TRAF5: variants seen among roughly 807,000 people sequenced by gnomAD.
TRAF5 encodes TNF receptor-associated factor 5.
A neutral mutation model predicts 64.5 loss-of-function variants in TRAF5; 48 were observed. The observed-to-expected ratio is 0.74, with a 90% CI of 0.59 to 0.95. The LOEUF is 0.95. Ranked by LOEUF, TRAF5 falls within the 40% of genes least tolerant of loss-of-function variation. The pLI is 0.00. For synonymous variants in TRAF5, 206 were observed against 240.5 expected, an observed-to-expected ratio of 0.86 and a Z score of 1.33; for missense variants, 545 against 662.8, an observed-to-expected ratio of 0.82 and a Z score of 1.95.
At chr1:211,341,997 T>A (rs548522927) in intron 1 of TRAF5, among the ~76,000 whole-genome samples, 29 of 152,306 alleles carry the variant, frequency 1.9e-4, no homozygotes, top group African/African-American at 7.0e-4. Context: ...TTATGACACC[T>A]CTGTGTACTA....
intron 4 of TRAF5, chr1:211,359,235 C>T (rs1182087524): frequency 1.3e-5 from 2 of 152,228 alleles, no homozygotes; most frequent in Admixed American, 6.5e-5. Context: ...GGATTACAAG[C>T]ATGAGCCACC....
chr1:211,330,762 C>T (rs370949453), intron 1 of TRAF5, among the ~76,000 whole-genome samples: 3 of 152,178 alleles, frequency 2.0e-5, no homozygotes, highest in African/African-American at 4.8e-5. Context: ...GTTGCTACAC[C>T]GTCCCCACCA....
rs750203132 is a variant in TRAF5, at chr1:211,374,275, C to G, written c.*1573C>G. ...CCTGAGCCCTTCTGCGTTGTTATGC[C>G]ACTTCCCTACTGCTCATATGCACGC... On this transcript the variant is annotated 3_prime_UTR_variant, in exon 11 of 11. Transcript: ENST00000261464. 2.0e-5 allele frequency: 3 copies of G among 152,826 alleles called. No homozygotes were observed. The highest frequency in any genetic ancestry group is 2.9e-5 in the Non-Finnish European group (2 of 68,034). The allele number at this position is 152,826 out of a possible 1,614,324, so 9.5% of individuals were successfully genotyped here.
At chr1:211,367,927 A>T (rs138286439) in intron 8 of TRAF5, among the ~76,000 whole-genome samples, 5 of 152,330 alleles carry the variant, frequency 3.3e-5, no homozygotes, top group Admixed American at 6.5e-5. Context: ...AATGGAGAAG[A>T]CCAAAACAAC....
chr1:211,354,293 T>A (rs1055003689), intron 2 of TRAF5, 117 bp from the exon 3 acceptor site: 5 of 845,380 alleles, frequency 5.9e-6, no homozygotes, highest in Non-Finnish European at 9.5e-6. Context: ...GAACAGCATG[T>A]GCAGACAGGG....
chr1:211,330,653 C>T (rs1702134044), intron 1 of TRAF5, among the ~76,000 whole-genome samples: 1 of 152,230 alleles, frequency 6.6e-6, no homozygotes, highest in Non-Finnish European at 1.5e-5. Flanking sequence ...GCACCTGCTG[C>T]GCTGCTCTGA....
chr1:211,366,305 A>G (rs1342534837), intron 8 of TRAF5, among the ~76,000 whole-genome samples: 3 of 152,204 alleles, frequency 2.0e-5, no homozygotes, highest in African/African-American at 7.2e-5. Context: ...ATTAAACAGT[A>G]ACTTTGGTAG....
intron 1 of TRAF5, chr1:211,346,572 A>G (rs1338783342): frequency 2.9e-6 from 1 of 346,742 alleles, no homozygotes; most frequent in Admixed American, 6.5e-5. Context: ...ACTATAACAT[A>G]ATATATTTAA....
chr1:211,347,573 G>T (rs1702650540), intron 1 of TRAF5, among the ~76,000 whole-genome samples: 2 of 152,200 alleles, frequency 1.3e-5, no homozygotes, highest in African/African-American at 4.8e-5. Flanking sequence ...AATGACTTAG[G>T]CCTGTTGAAT....
chr1:211,371,224 GA>G lies in TRAF5; in HGVS notation c.931-71del, dbSNP rs1703509957. 6 of 1,372,810 alleles carry G rather than the reference GA, an allele frequency of 4.4e-6. No homozygotes were observed. In the African/African-American group the frequency reaches 4.5e-5, roughly 10 times the overall value. The allele number at this position is 1,372,810 out of a possible 1,614,324, so 85.0% of individuals were successfully genotyped here. A position where few individuals can be genotyped will look rare whatever the true frequency, so the allele number is the denominator to read the frequency against. ...TGATTAAATGTGATATGTTTGAATT[GA>G]AAAAAATTTTAATCTCAATGAATTG... On this transcript the variant is annotated intron_variant, in intron 9 of 10. Transcript: ENST00000261464.
At chr1:211,338,051 G>T (rs1702350267) in intron 1 of TRAF5, among the ~76,000 whole-genome samples, 1 of 152,178 alleles carries the variant, frequency 6.6e-6, no homozygotes, top group African/African-American at 2.4e-5. Flanking sequence ...AGCAGGTCCA[G>T]CACCAGCCCG....
chr1:211,353,077 C>G (rs539662250), intron 1 of TRAF5, among the ~76,000 whole-genome samples, 162 bp from the exon 2 acceptor site: 1 of 152,120 alleles, frequency 6.6e-6, no homozygotes, highest in African/African-American at 2.4e-5. Flanking sequence ...TGCCGGAGCC[C>G]CCTAGTGGCA....
At chr1:211,343,818 C>T (rs1454404768) in intron 1 of TRAF5, among the ~76,000 whole-genome samples, 1 of 152,088 alleles carries the variant, frequency 6.6e-6, no homozygotes, top group African/African-American at 2.4e-5. Flanking sequence ...ATTGAGTCAT[C>T]TGAGTTATTG....
In TRAF5 at chr1:211,365,482, G is replaced by A; in HGVS notation, c.789+14G>A. On this transcript the variant is annotated intron_variant, in intron 8 of 10. Transcript: ENST00000261464. ...TTAGAAGAACAGGTAAATCTTCAAA[G>A]GTTCAAATAAAAAGTGAGGCAACAG... 1.2e-6 allele frequency: 2 copies of A among 1,603,442 alleles called. No individual in the cohort carries two copies. Among genetic ancestry groups the A allele is most frequent in the East Asian group, 2.2e-5 (1 of 44,544 alleles).
Position 211,326,870 on chromosome 1 carries a change from G to A in TRAF5, c.-21G>A, listed in dbSNP as rs879300629. 36 of 984,930 alleles carry A rather than the reference G, an allele frequency of 3.7e-5. No individual in the cohort carries two copies. Among genetic ancestry groups the A allele is most frequent in the Non-Finnish European group, 4.2e-5 (35 of 829,570 alleles). 61.0% of individuals were successfully genotyped at this position (984,930 alleles called of 1,614,324 possible). ...CGCGCCTGCAGACCGGCCTCGCGGA[G>A]CCCGCGCGCCGAGCCCCACGTGAGT... On this transcript the variant is annotated 5_prime_UTR_variant, in exon 1 of 11. Transcript: ENST00000261464. The surrounding 1 kb of genome is among the most constrained non-coding windows in gnomAD (Gnocchi z 5.0).
intron 1 of TRAF5, among the ~76,000 whole-genome samples, chr1:211,333,441 C>G (rs569640749): frequency 3.3e-5 from 5 of 152,000 alleles, no homozygotes; most frequent in Non-Finnish European, 7.4e-5. Context: ...CACTCCCCCC[C>G]CACTCCCCAC....
intron 7 of TRAF5, among the ~76,000 whole-genome samples, chr1:211,363,251 A>T (rs1703243903): frequency 2.0e-5 from 3 of 152,208 alleles, no homozygotes; most frequent in Admixed American, 2.0e-4. Flanking sequence ...AAGACACACA[A>T]AGATGTTTAT....
chr1:211,372,006 C>T lies in TRAF5; in HGVS notation c.1100-122C>T, dbSNP rs1424593612. 4 of 836,654 alleles carry T rather than the reference C, an allele frequency of 4.8e-6. No individual in the cohort carries two copies. The East Asian group carries it at 7.7e-5, about 16-fold the overall frequency. 51.8% of individuals were successfully genotyped at this position (836,654 alleles called of 1,614,324 possible). A position where few individuals can be genotyped will look rare whatever the true frequency, so the allele number is the denominator to read the frequency against. On this transcript the variant is annotated intron_variant, in intron 10 of 10. Coordinates refer to ENST00000261464, the MANE Select transcript of TRAF5 (RefSeq NM_001033910.3). ...ATTACTACAACAAATGAATTCAGCT[C>T]ATCTTTAGGATGGCAGGATTTTGTT...
intron 9 of TRAF5, among the ~76,000 whole-genome samples, chr1:211,370,157 C>A (rs1335217632): frequency 6.6e-6 from 1 of 152,074 alleles, no homozygotes; most frequent in East Asian, 1.9e-4. Flanking sequence ...GAAGAAAATG[C>A]TTTAAACATC....
Sources: allele counts gnomAD v4.1 joint callset (sites outside exome capture counted in the v4.1 genomes callset), GRCh38; gene constraint gnomAD v4.1.1; non-coding constraint Gnocchi (gnomAD v3.1); transcripts MANE v1.5; gene names NCBI Gene and HGNC (gene_info 2026-07-23, HGNC 2026-07-21).